The following STAG1 variants were observed in gnomAD, a reference collection of about 807,000 sequenced individuals.
STAG1 encodes cohesin subunit SA-1.
Under a neutral mutation model 170.9 loss-of-function variants are expected in STAG1, and 26 were observed. That is an observed-to-expected ratio of 0.15 (90% CI 0.11 to 0.21). The LOEUF is 0.21. Among genes scored for constraint, STAG1 ranks in the 10% least tolerant of loss-of-function variants. STAG1 has a pLI of 1.00. For missense variants in STAG1, 964 were observed against 1,509.5 expected (o/e 0.64, Z 5.99); for synonymous variants, 514 against 497.7 (o/e 1.03, Z -0.44).
intron 4 of STAG1, among the ~76,000 whole-genome samples, chr3:136,583,690 G>A (rs1937661907): frequency 6.6e-6 from 1 of 152,162 alleles, no homozygotes. Context: ...TTGGGAGGCT[G>A]AGGCACAACA....
intron 1 of STAG1, among the ~76,000 whole-genome samples, chr3:136,655,147 A>G (rs1941334202): frequency 6.6e-6 from 1 of 152,198 alleles, no homozygotes; most frequent in Non-Finnish European, 1.5e-5. Flanking sequence ...GACTTCACAA[A>G]AATTTTAAAA....
intron 6 of STAG1, among the ~76,000 whole-genome samples, chr3:136,528,953 C>CAA (rs200426088): frequency 6.7e-6 from 1 of 148,926 alleles, no homozygotes; most frequent in Non-Finnish European, 1.5e-5. Flanking sequence ...CAAAACAAAA[C>CAA]AAAAAAAAAC....
chr3:136,742,944 G>A (rs1198095672), intron 1 of STAG1, among the ~76,000 whole-genome samples: 2 of 152,086 alleles, frequency 1.3e-5, no homozygotes, highest in African/African-American at 4.8e-5. Flanking sequence ...TAAAAGGCTG[G>A]AAAGAAAGCA....
At chr3:136,616,255 C>CA (rs1939591745) in intron 3 of STAG1, among the ~76,000 whole-genome samples, 1 of 139,752 alleles carries the variant, frequency 7.2e-6, no homozygotes, top group East Asian at 2.0e-4. Flanking sequence ...GGCGACAGAG[C>CA]AAGACTCCGT....
Position 136,336,938 on chromosome 3 carries a change from C to CTTACT in STAG1, c.*1311_*1315dup, listed in dbSNP as rs752585831. ...ATGAATTGGTTTGGAAATTCTGAGGCTTACTTTAGAAATCAGAAAGGAAGA... is the reference window on the plus strand; with the variant it reads ...ATGAATTGGTTTGGAAATTCTGAGGCTTACTTTACTTTAGAAATCAGAAAGGAAGA... On this transcript the variant is annotated 3_prime_UTR_variant, in exon 34 of 34. Transcript: ENST00000383202. 7 of 116,974 alleles carry CTTACT rather than the reference C, an allele frequency of 6.0e-5. No individual in the cohort carries two copies. Among genetic ancestry groups the CTTACT allele is most frequent in the Non-Finnish European group, 1.2e-4 (7 of 57,910 alleles). 7.2% of individuals were successfully genotyped at this position (116,974 alleles called of 1,614,324 possible).
intron 21 of STAG1, among the ~76,000 whole-genome samples, chr3:136,405,172 A>G (rs2087441140): frequency 1.3e-5 from 2 of 151,728 alleles, no homozygotes; most frequent in Admixed American, 1.3e-4. Flanking sequence ...TAAATAATCA[A>G]TATGGCTTTC....
At chr3:136,644,203 A>G (rs1940906657) in intron 1 of STAG1, among the ~76,000 whole-genome samples, 1 of 152,236 alleles carries the variant, frequency 6.6e-6, no homozygotes, top group African/African-American at 2.4e-5. Flanking sequence ...CTACTATAAG[A>G]AAATTAATTT....
At chr3:136,351,444 T>C (rs1374622126) in intron 28 of STAG1, among the ~76,000 whole-genome samples, 1 of 152,176 alleles carries the variant, frequency 6.6e-6, no homozygotes, top group Non-Finnish European at 1.5e-5. Flanking sequence ...AAAATAAAAG[T>C]GCTGGGAGTT....
chr3:136,591,078 T>G (rs1272180604), intron 4 of STAG1, among the ~76,000 whole-genome samples: 2 of 151,430 alleles, frequency 1.3e-5, no homozygotes, highest in African/African-American at 4.8e-5. Flanking sequence ...TTCATTAGAT[T>G]TGTTATATTA....
At chr3:136,611,658 CTTTTT>C (rs760493827) in intron 3 of STAG1, among the ~76,000 whole-genome samples, 2 of 72,568 alleles carry the variant, frequency 2.8e-5, no homozygotes, top group Non-Finnish European at 5.3e-5. Context: ...CCACACCCAG[CTTTTT>C]TTTTTTTTTT....
intron 7 of STAG1, among the ~76,000 whole-genome samples, chr3:136,503,797 G>A (rs924430007): frequency 5.9e-5 from 9 of 151,688 alleles, no homozygotes; most frequent in African/African-American, 1.9e-4. Context: ...GTGCAATGGC[G>A]CAATCTTGGC....
rs113324601 is a variant in STAG1, at chr3:136,590,994, G to GT, written c.297+13314dup. Among the ~76,000 whole-genome samples, 871 of 147,112 alleles carry GT rather than the reference G, an allele frequency of 5.9e-3. 5 individuals carry two copies. Among genetic ancestry groups the GT allele is most frequent in the African/African-American group, 0.018 (721 of 40,258 alleles). On this transcript the variant is annotated intron_variant, in intron 4 of 33. Coordinates refer to ENST00000383202, the MANE Select transcript of STAG1 (RefSeq NM_005862.3). ...ATTGGTTTTGGTTGGGTGTTGTTTT[G>GT]TTTTTTTTTGCATAATCTGACTGAA... is the stretch of plus-strand genomic sequence containing the variant.
intron 1 of STAG1, among the ~76,000 whole-genome samples, chr3:136,666,433 T>G (rs965061151): frequency 1.3e-5 from 2 of 152,218 alleles, no homozygotes; most frequent in Admixed American, 1.3e-4. Context: ...ATAAGAACTG[T>G]ATAAGAACTC....
rs371213489 is a variant in STAG1 at position 136,704,606 on chromosome 3, T to C, written c.-84+47589A>G. 3.1e-4 allele frequency among the ~76,000 whole-genome samples: 47 copies of C among 151,634 alleles called. No individual in the cohort carries two copies. The East Asian group carries it at 6.7e-3, about 22-fold the overall frequency. On this transcript the variant is annotated intron_variant, in intron 1 of 33. Transcript: ENST00000383202. ...ACTTTGGGAGGCCCAGGCAGGCAGA[T>C]CACTTGAGCTCAGGGGTTCCAGACC...
rs749261209 is a variant in STAG1, at chr3:136,623,241, T to C, written c.37A>G (p.Thr13Ala). The C allele has an allele frequency of 4.3e-6, 7 of 1,612,358 alleles. No individual in the cohort carries two copies. The highest frequency in any genetic ancestry group is 2.7e-5 in the African/African-American group (2 of 74,840). The change falls in exon 3 of 34, where the codon ACT becomes GCT. Residue 13 changes from threonine (T) to alanine (A), a missense_variant. Around this residue, in one of 11 missense-constraint regions of STAG1, gnomAD observed 108 missense variants for 120.2 expected, o/e 0.90. Coordinates refer to ENST00000383202, the MANE Select transcript of STAG1 (RefSeq NM_005862.3). ...TCGGAATGGGCAGTAGTTTCATTAG[T>C]TGAATCCCTAGAAAATGTTATATTA... The part of the protein sequence containing the change: ...TSELPVLQDS[T>A]NETTAHSDAG...
intron 25 of STAG1, among the ~76,000 whole-genome samples, chr3:136,363,885 C>G (rs556763141): frequency 4.7e-4 from 71 of 152,036 alleles, no homozygotes; most frequent in African/African-American, 1.7e-3. Flanking sequence ...TCCTAAATAG[C>G]TGGGACTACA....
chr3:136,714,272 A>C (rs1047810953), intron 1 of STAG1, among the ~76,000 whole-genome samples: 1 of 152,150 alleles, frequency 6.6e-6, no homozygotes, highest in African/African-American at 2.4e-5. Flanking sequence ...TTTAGCAATA[A>C]AGACTTAGGG....
intron 1 of STAG1, among the ~76,000 whole-genome samples, chr3:136,746,526 C>T (rs1257016041): frequency 6.6e-6 from 1 of 152,168 alleles, no homozygotes; most frequent in African/African-American, 2.4e-5. Flanking sequence ...TTATCCTTGG[C>T]TAACCTGTCT....
chr3:136,393,808 C>A (rs369712744), intron 22 of STAG1, among the ~76,000 whole-genome samples: 317 of 152,204 alleles, frequency 2.1e-3, no homozygotes, highest in African/African-American at 7.3e-3. Context: ...GTTGGTCAGG[C>A]TGGTCTCCAA....
Sources: gnomAD v4.1 joint callset for allele counts (sites outside exome capture counted in the v4.1 genomes callset) on GRCh38, gnomAD v4.1.1 for gene constraint, gnomAD v4.1.1 regional missense constraint, MANE v1.5 for transcripts, NCBI Gene and HGNC (gene_info 2026-07-23, HGNC 2026-07-21) for gene names.